Variants in SRCIN1 observed in about 807,000 individuals in gnomAD.
The protein encoded by SRCIN1 is SRC kinase signaling inhibitor 1, also known as P130Cas-associated protein.
SRCIN1 carries 50 observed loss-of-function variants against 116.2 expected under a neutral mutation model. The ratio of observed to expected loss-of-function variants is 0.43; its 90% CI spans 0.34 to 0.54. The LOEUF (loss-of-function observed/expected upper bound fraction) is 0.54, where lower values mean the gene tolerates loss of function less well. SRCIN1 is among the 20% of genes least tolerant of loss of function. SRCIN1 has a pLI of 0.02. For missense variants in SRCIN1, 1,446 were observed against 1,672.0 expected, an observed-to-expected ratio of 0.86 and a Z score of 2.36; for synonymous variants, 736 against 750.0, an observed-to-expected ratio of 0.98 and a Z score of 0.30.
chr17:38,559,276 G>A (rs1906031749), intron 10 of SRCIN1: 2 of 496,466 alleles, frequency 4.0e-6, no homozygotes, highest in Non-Finnish European at 7.1e-6. Context: ...GACGACGGAG[G>A]GGCTCAGTGG....
At chr17:38,555,769 A>G (rs2143135420) in intron 11 of SRCIN1, among the ~76,000 whole-genome samples, 1 of 152,314 alleles carries the variant, frequency 6.6e-6, no homozygotes, top group South Asian at 2.1e-4. Flanking sequence ...GTCCTAGCCC[A>G]GCCCTCGCTC....
At chr17:38,574,126 C>T (rs2429988) in intron 2 of SRCIN1, among the ~76,000 whole-genome samples, 54,731 of 152,014 alleles carry the variant, frequency 0.36, 14,055 homozygotes, top group African/African-American at 0.73. Context: ...ACCCCTCCTC[C>T]GCCTCCTACA....
chr17:38,587,299 A>C (rs1478663747), intron 1 of SRCIN1, among the ~76,000 whole-genome samples: 1 of 152,074 alleles, frequency 6.6e-6, no homozygotes, highest in South Asian at 2.1e-4. Flanking sequence ...CTGCATGGCT[A>C]TTGAGTCCTT....
Position 38,533,099 on chromosome 17 carries a change from A to G in SRCIN1, c.*198T>C, listed in dbSNP as rs1323262348. ...AGATAATTAAAAGTTAATTGTTAAA[A>G]AAAAAAAAAAAAACAAAACCAAAAA... On this transcript the variant is annotated 3_prime_UTR_variant, in exon 19 of 19. Transcript: ENST00000617146. 4.9e-6 allele frequency: 2 copies of G among 409,640 alleles called. No homozygotes were observed. The highest frequency in any genetic ancestry group is 7.8e-6 in the Non-Finnish European group (2 of 256,124). The allele number at this position is 409,640 out of a possible 1,614,324, so 25.4% of individuals were successfully genotyped here. A position where few individuals can be genotyped will look rare whatever the true frequency, so the allele number is the denominator to read the frequency against.
At chr17:38,538,643 G>A (rs750906971) in intron 18 of SRCIN1, among the ~76,000 whole-genome samples, 3 of 151,976 alleles carry the variant, frequency 2.0e-5, no homozygotes, top group East Asian at 1.9e-4. Context: ...ACTGATACAC[G>A]TGAGGCCCAG....
At position 38,543,205 on chromosome 17, in the gene SRCIN1, C is replaced by T. The variant is rs957902753; in HGVS notation, c.3417+618G>A. The T allele has an allele frequency of 1.3e-4, 58 of 456,772 alleles. 1 individual carries two copies. Among genetic ancestry groups the T allele is most frequent in the South Asian group, 4.8e-4 (31 of 64,562 alleles). The allele number at this position is 456,772 out of a possible 1,614,324, so 28.3% of individuals were successfully genotyped here. On this transcript the variant is annotated intron_variant, in intron 18 of 18. Coordinates refer to ENST00000617146, the MANE Select transcript of SRCIN1 (RefSeq NM_025248.3). ...ACCCTTCCTGAGGGCCAAAGTGCCT[C>T]GCCCTGTCCCCACCCAACCTTGCAA...
chr17:38,555,411 C>T (rs1378822115), intron 11 of SRCIN1, among the ~76,000 whole-genome samples: 2 of 152,196 alleles, frequency 1.3e-5, no homozygotes, highest in African/African-American at 2.4e-5. Flanking sequence ...GAACCTCCAT[C>T]AGCCTGGGTC....
chr17:38,605,072 G>A (rs982816155), intron 1 of SRCIN1, among the ~76,000 whole-genome samples: 1 of 151,994 alleles, frequency 6.6e-6, no homozygotes, highest in Non-Finnish European at 1.5e-5. Flanking sequence ...GTGCGGGGAG[G>A]GGGGGTGTGT....
At chr17:38,560,553 C>T (rs1323568568) in intron 7 of SRCIN1, 128 bp from the exon 8 acceptor site, 3 of 738,916 alleles carry the variant, frequency 4.1e-6, no homozygotes, top group African/African-American at 1.8e-5. Flanking sequence ...ACACAGACAA[C>T]GCAAAGGGCC....
intron 17 of SRCIN1, 125 bp downstream of exon 17, chr17:38,548,432 G>T: frequency 2.5e-6 from 3 of 1,189,348 alleles, no homozygotes; most frequent in Non-Finnish European, 3.6e-6. Flanking sequence ...GGTCTGAACA[G>T]CCAGCGCTCC....
At position 38,533,108 on chromosome 17, in the gene SRCIN1, A is replaced by AAAAC. The variant is rs1555603742; in HGVS notation, c.*188_*189insGTTT. 1.7e-5 allele frequency: 8 copies of AAAAC among 461,942 alleles called. No individual in the cohort carries two copies. Among genetic ancestry groups the AAAAC allele is most frequent in the Admixed American group, 9.2e-5 (2 of 21,698 alleles). 28.6% of individuals were successfully genotyped at this position (461,942 alleles called of 1,614,324 possible). A position where few individuals can be genotyped will look rare whatever the true frequency, so the allele number is the denominator to read the frequency against. ...AAAGTTAATTGTTAAAAAAAAAAAA[A>AAAAC]AAAACAAAACCAAAAACACCAACAG... On this transcript the variant is annotated 3_prime_UTR_variant, in exon 19 of 19. Transcript: ENST00000617146.
chr17:38,602,742 C>T lies in SRCIN1; in HGVS notation c.22+2942G>A, dbSNP rs561899419. ...TTTTATGGCAAGCCCTGGATCCTTC[C>T]CCTGAACTCCCTGCCTGCCCAGCAC... On this transcript the variant is annotated intron_variant, in intron 1 of 18. Transcript: ENST00000617146. This position sits in a 1 kb window ranked among gnomAD's most constrained non-coding sequence, Gnocchi z 4.2. 3.6e-3 allele frequency: 554 copies of T among 152,448 alleles called. 1 individual carries two copies. The highest frequency in any genetic ancestry group is 0.01 in the Middle Eastern group (3 of 296). 9.4% of individuals were successfully genotyped at this position (152,448 alleles called of 1,614,324 possible).
In SRCIN1 at chr17:38,532,950, G is replaced by C. The variant is rs1216923052; in HGVS notation, c.*347C>G. ...GCGGGAAGGGGGTGCAGGAGCTTCA[G>C]GATGGACTGGGGGAAAGAGTGGTGA... On this transcript the variant is annotated 3_prime_UTR_variant, in exon 19 of 19. Transcript: ENST00000617146. This position sits in a 1 kb window ranked among gnomAD's most constrained non-coding sequence, Gnocchi z 4.3. 5.6e-6 allele frequency: 1 copy of C among 177,150 alleles called. No homozygotes were observed. The highest frequency in any genetic ancestry group is 2.4e-5 in the African/African-American group (1 of 42,228). The allele number at this position is 177,150 out of a possible 1,614,324, so 11.0% of individuals were successfully genotyped here.
rs1906242448 is a variant in SRCIN1 at position 38,561,562 on chromosome 17, G to A, written c.1601C>T (p.Ser534Leu). The change falls in exon 7 of 19, where the codon TCG (serine) becomes TTG (leucine). Residue 534 changes from serine to leucine, a missense_variant. Physicochemically the swap from Ser to Leu is moderately radical, Grantham distance 145 (BLOSUM62 -2). Around this residue, in one of 5 missense-constraint regions of SRCIN1, gnomAD observed 398 missense variants for 385.6 expected, o/e 1.03. Coordinates refer to ENST00000617146, the MANE Select transcript of SRCIN1 (RefSeq NM_025248.3). Reference protein sequence around the residue: ...GGKTRSAGSASTAGAPPSELF... With the variant: ...GGKTRSAGSALTAGAPPSELF... ...CTCCGAAGGGGGAGCTCCGGCCGTC[G>A]AGGCGCTCCCCGCGCTGCGGGTCTT... 3.7e-6 allele frequency: 6 copies of A among 1,601,220 alleles called. No individual in the cohort carries two copies. Among genetic ancestry groups the A allele is most frequent in the Non-Finnish European group, 4.3e-6 (5 of 1,175,964 alleles).
At chr17:38,605,590 G>A (rs866471630) in intron 1 of SRCIN1, 94 bp downstream of exon 1, 18 of 1,038,196 alleles carry the variant, frequency 1.7e-5, no homozygotes, top group Middle Eastern at 2.4e-4. Flanking sequence ...CGCCGCCCCC[G>A]CCCCCGGCCG....
chr17:38,606,002 CGGCGCGGGCGCGCGCGT>C (rs1367336618), upstream of SRCIN1: 3 of 130,158 alleles, frequency 2.3e-5, no homozygotes, highest in Non-Finnish European at 4.9e-5. The surrounding 1 kb of genome is among the most constrained non-coding windows in gnomAD (Gnocchi z 5.2). Context: ...GGCGCGCGCG[CGGCGCGGGCGCGCGCGT>C]GTGGCCGGAA....
At chr17:38,535,135 GTT>G (rs1000613502) in intron 18 of SRCIN1, among the ~76,000 whole-genome samples, 1 of 145,524 alleles carries the variant, frequency 6.9e-6, no homozygotes, top group African/African-American at 2.5e-5. Context: ...CTGTTTTTTT[GTT>G]TGTTTGTTTG....
At chr17:38,550,865 T>C (rs117165041) in intron 15 of SRCIN1, among the ~76,000 whole-genome samples, 147,671 of 152,348 alleles carry the variant, frequency 0.97, 71,595 homozygotes, top group East Asian at 1. Flanking sequence ...TTGGGGCATG[T>C]GCCCAGCCAA....
intron 3 of SRCIN1, among the ~76,000 whole-genome samples, chr17:38,566,696 G>A (rs74879422): frequency 0.023 from 3,525 of 152,274 alleles, 91 homozygotes; most frequent in South Asian, 0.11. Context: ...CCTGGGGTTC[G>A]AGATTTTTGA....
Sources: allele counts gnomAD v4.1 joint callset (sites outside exome capture counted in the v4.1 genomes callset), GRCh38; gene constraint gnomAD v4.1.1; regional missense constraint gnomAD v4.1.1; non-coding constraint Gnocchi (gnomAD v3.1); transcripts MANE v1.5; gene names NCBI Gene and HGNC (gene_info 2026-07-23, HGNC 2026-07-21).